WFDC6: variants seen among roughly 807,000 people sequenced by gnomAD.
WFDC6 encodes the protein WAP four-disulfide core domain 6.
WFDC6 carries 10 observed loss-of-function variants against 8.2 expected under a neutral mutation model. The observed-to-expected ratio is 1.22, with a 90% CI of 0.75 to 2.07. The LOEUF (loss-of-function observed/expected upper bound fraction) is 2.07. Among genes scored for constraint, WFDC6 ranks in the 30% most tolerant of loss-of-function variants. The pLI is 0.00. For synonymous variants in WFDC6, 28 were observed against 37.0 expected (o/e 0.76, Z 0.88); for missense variants, 105 against 104.9 (o/e 1.00, Z 0.00).
chr20:45,536,254 A>G (rs1261737443), intron 2 of WFDC6, among the ~76,000 whole-genome samples: 1 of 46,090 alleles, frequency 2.2e-5, no homozygotes, highest in Non-Finnish European at 5.4e-5. Context: ...ATTCACAGAA[A>G]AAAAAAAAAA....
chr20:45,535,003 C>T (rs1007644992), intron 2 of WFDC6, among the ~76,000 whole-genome samples: 2 of 152,166 alleles, frequency 1.3e-5, no homozygotes, highest in African/African-American at 4.8e-5. Context: ...CCCTCCCTTC[C>T]CACCCTCTTT....
At chr20:45,539,077 A>G (rs908454265) in intron 1 of WFDC6, among the ~76,000 whole-genome samples, 12 of 152,094 alleles carry the variant, frequency 7.9e-5, no homozygotes, top group Non-Finnish European at 1.3e-4. Flanking sequence ...CTCTAGGTCC[A>G]GGCACCTCCA....
chr20:45,537,880 A>G, intron 2 of WFDC6, 84 bp downstream of exon 2: 4 of 1,596,300 alleles, frequency 2.5e-6, no homozygotes, highest in South Asian at 2.3e-5. Context: ...ACCAGCCATC[A>G]GTGAACTAGG....
chr20:45,539,235 T>A, intron 1 of WFDC6, 82 bp downstream of exon 1: 1 of 1,385,208 alleles, frequency 7.2e-7, no homozygotes, highest in Non-Finnish European at 1.0e-6. Flanking sequence ...AAATAATTTC[T>A]CAGCTGCAAA....
chr20:45,536,167 AG>A (rs1296280715), intron 2 of WFDC6, among the ~76,000 whole-genome samples: 1 of 151,730 alleles, frequency 6.6e-6, no homozygotes, highest in African/African-American at 2.4e-5. Context: ...GGTTTTTGAG[AG>A]GGGATTGCAT....
chr20:45,534,375 G>A lies in WFDC6; in HGVS notation c.*92C>T. The A allele has an allele frequency of 6.8e-7, 1 of 1,474,534 alleles. No individual in the cohort carries two copies. 91.3% of individuals were successfully genotyped at this position (1,474,534 alleles called of 1,614,324 possible). On this transcript the variant is annotated 3_prime_UTR_variant, in exon 3 of 3. Coordinates refer to ENST00000372670, the MANE Select transcript of WFDC6 (RefSeq NM_080827.2). ...AGCAATTCCTGGGGTTCAGTTTCTG[G>A]AACAGCCAAGGTTTGGCCCGTGGAA...
intron 2 of WFDC6, chr20:45,537,235 C>T (rs891299120): frequency 2.4e-6 from 1 of 412,180 alleles, no homozygotes; most frequent in African/African-American, 2.0e-5. Context: ...TGCCTCCTGC[C>T]ACAGAGCCTT....
At chr20:45,537,462 A>C in intron 2 of WFDC6, 27 of 1,333,830 alleles carry the variant, frequency 2.0e-5, no homozygotes, top group Non-Finnish European at 2.8e-5. Context: ...GATCTTCTTT[A>C]GAGCTCAATA....
intron 2 of WFDC6, chr20:45,535,178 A>G: frequency 1.5e-6 from 2 of 1,304,046 alleles, no homozygotes; most frequent in Non-Finnish European, 2.0e-6. Context: ...TTTGCAGGTG[A>G]CCAGACAGAT....
chr20:45,535,263 T>C (rs1422796918), intron 2 of WFDC6: 3 of 1,304,270 alleles, frequency 2.3e-6, no homozygotes, highest in Non-Finnish European at 3.0e-6. Flanking sequence ...TTAGTTTTTT[T>C]TATTGTACCA....
At chr20:45,535,142 C>T (rs186538692) in intron 2 of WFDC6, 40 of 1,298,864 alleles carry the variant, frequency 3.1e-5, no homozygotes, top group East Asian at 5.6e-5. Context: ...CACAGGAGAC[C>T]GGGACCTCTG....
chr20:45,535,164 A>AT, intron 2 of WFDC6: 1 of 1,303,576 alleles, frequency 7.7e-7, no homozygotes, highest in African/African-American at 1.5e-5. Flanking sequence ...GACTTATGGT[A>AT]TTTTTTGCAG....
intron 2 of WFDC6, chr20:45,535,330 C>T: frequency 2.3e-6 from 3 of 1,302,182 alleles, no homozygotes; most frequent in Non-Finnish European, 2.0e-6. Context: ...CTGCATATAT[C>T]TGCAGGGAGA....
intron 2 of WFDC6, 42 bp from the exon 3 acceptor site, chr20:45,534,547 A>C: frequency 2.5e-6 from 4 of 1,609,480 alleles, no homozygotes; most frequent in Non-Finnish European, 3.4e-6. Context: ...TTGGACCCTG[A>C]CCACATTAGG....
At position 45,534,306 on chromosome 20, in the gene WFDC6, G is replaced by T; in HGVS notation, c.*161C>A. ...CATACTGAGAAGTGGTCAAGGGGAA[G>T]AGCATTGTGTTTGAAGAGATGCTAC... On this transcript the variant is annotated 3_prime_UTR_variant, in exon 3 of 3. Transcript: ENST00000372670. 1.2e-6 allele frequency: 1 copy of T among 813,928 alleles called. No homozygotes were observed. Among genetic ancestry groups the T allele is most frequent in the Non-Finnish European group, 2.1e-6 (1 of 471,908 alleles). The allele number at this position is 813,928 out of a possible 1,614,324, so 50.4% of individuals were successfully genotyped here.
intron 2 of WFDC6, among the ~76,000 whole-genome samples, chr20:45,536,372 G>A (rs565954934): frequency 1.3e-5 from 2 of 152,218 alleles, no homozygotes; most frequent in East Asian, 3.9e-4. Context: ...TCTGAAGCAC[G>A]ACAAAACAAC....
chr20:45,537,924 A>C, intron 2 of WFDC6, 40 bp downstream of exon 2: 3 of 1,613,476 alleles, frequency 1.9e-6, no homozygotes, highest in Non-Finnish European at 2.5e-6. Context: ...TGGAGATAGG[A>C]GGTGAGGGCA....
At position 45,538,101 on chromosome 20, in the gene WFDC6, G is replaced by C. The variant is rs773436124; in HGVS notation, c.92-7C>G. 1.9e-6 allele frequency: 3 copies of C among 1,613,872 alleles called. No homozygotes were observed. Among genetic ancestry groups the C allele is most frequent in the Non-Finnish European group, 2.5e-6 (3 of 1,179,858 alleles). On this transcript the variant is annotated splice_region_variant and splice_polypyrimidine_tract_variant and intron_variant, in intron 1 of 2. Transcript: ENST00000372670. ...TTGATTTTGGGACACGGCTCTAAGGGAGGGGAAGATATATTCCCTCAAGGC... is the reference window on the plus strand; with the variant it reads ...TTGATTTTGGGACACGGCTCTAAGGCAGGGGAAGATATATTCCCTCAAGGC...
At position 45,534,715 on chromosome 20, in the gene WFDC6, A is replaced by C. The variant is rs550710650; in HGVS notation, c.223-210T>G. Reference sequence around the variant, plus strand: ...TTATGCCTGTTGTCTCAGTGTAATAATTAATGGCACCTCACCTTGAGACAC... The same window carrying C: ...TTATGCCTGTTGTCTCAGTGTAATACTTAATGGCACCTCACCTTGAGACAC... On this transcript the variant is annotated intron_variant, in intron 2 of 2. Coordinates refer to ENST00000372670, the MANE Select transcript of WFDC6 (RefSeq NM_080827.2). Among the ~76,000 whole-genome samples, 13 of 152,308 alleles carry C rather than the reference A, an allele frequency of 8.5e-5. No homozygotes were observed. The East Asian group carries it at 2.3e-3, about 27-fold the overall frequency.
Sources: gnomAD v4.1 joint callset for allele counts (sites outside exome capture counted in the v4.1 genomes callset) on GRCh38, gnomAD v4.1.1 for gene constraint, MANE v1.5 for transcripts, NCBI Gene and HGNC (gene_info 2026-07-23, HGNC 2026-07-21) for gene names.